Variants in TECPR2 observed in about 807,000 individuals in gnomAD.
The protein encoded by TECPR2 is tectonin beta-propeller repeat containing 2.
Under a neutral mutation model 138.1 loss-of-function variants are expected in TECPR2, and 65 were observed. That is an observed-to-expected ratio of 0.47 (90% CI 0.39 to 0.58). TECPR2 has a LOEUF of 0.58. TECPR2 is among the 20% of genes least tolerant of loss of function. The pLI, the probability that TECPR2 is intolerant of heterozygous loss-of-function variation, is 0.00. For synonymous variants in TECPR2, 746 were observed against 749.8 expected (o/e 0.99, Z 0.08); for missense variants, 1,553 against 1,824.5 (o/e 0.85, Z 2.71).
intron 17 of TECPR2, among the ~76,000 whole-genome samples, chr14:102,476,264 G>A (rs1237861840): frequency 1.3e-5 from 2 of 149,364 alleles, no homozygotes; most frequent in East Asian, 3.9e-4. Flanking sequence ...GGGTGTGGTG[G>A]CTCGTGCCTG....
chr14:102,484,941 G>A (rs981636199), intron 17 of TECPR2, among the ~76,000 whole-genome samples: 7 of 152,344 alleles, frequency 4.6e-5, no homozygotes, highest in African/African-American at 1.4e-4. Flanking sequence ...TTACAGGCGC[G>A]AGCCACTGCG....
chr14:102,463,415 T>A (rs1320384453), intron 16 of TECPR2, among the ~76,000 whole-genome samples: 5 of 51,780 alleles, frequency 9.7e-5, no homozygotes, highest in South Asian at 6.2e-4. Flanking sequence ...AGACTCCGTC[T>A]CAAAAAAAAA....
chr14:102,401,804 C>CAAA (rs34413626), intron 2 of TECPR2, among the ~76,000 whole-genome samples: 15,514 of 67,444 alleles, frequency 0.23, 2,521 homozygotes, highest in Non-Finnish European at 0.27. Context: ...GACTCCGTCT[C>CAAA]AAAAAAAAAA....
chr14:102,407,145 C>A (rs1319301382), intron 2 of TECPR2, among the ~76,000 whole-genome samples, 193 bp from the exon 3 acceptor site: 2 of 152,210 alleles, frequency 1.3e-5, no homozygotes, highest in Non-Finnish European at 2.9e-5. Context: ...CAGGCGTGAT[C>A]CACCACGCCC....
At position 102,431,840 on chromosome 14, in the gene TECPR2, G is replaced by A. The variant is rs527904656; in HGVS notation, c.1129G>A (p.Val377Met). Residue 377 changes from valine (V) to methionine (M), a missense_variant, in exon 8 of 20, where the codon GTG becomes ATG. Transcript: ENST00000359520. ...EMSGCSERVHVQQAEKLPGAT... is the reference protein window; with the variant it reads ...EMSGCSERVHMQQAEKLPGAT... ...GTCTGGATGCTCAGAGCGTGTCCAC[G>A]TGCAGCAAGCGGAGAAGCTGCCAGG... 2.2e-5 allele frequency: 35 copies of A among 1,596,770 alleles called. No homozygotes were observed. The highest frequency in any genetic ancestry group is 2.7e-5 in the Non-Finnish European group (32 of 1,166,398).
At chr14:102,463,727 C>T (rs1890476235) in intron 16 of TECPR2, among the ~76,000 whole-genome samples, 1 of 151,962 alleles carries the variant, frequency 6.6e-6, no homozygotes, top group African/African-American at 2.4e-5. Context: ...AGTTCGAGAC[C>T]AGCCTGGCCG....
At chr14:102,485,753 A>G (rs75144938) in intron 17 of TECPR2, among the ~76,000 whole-genome samples, 1,544 of 152,262 alleles carry the variant, frequency 0.01, 42 homozygotes, top group African/African-American at 0.036. Flanking sequence ...GATCATCTTT[A>G]GGGACCTCTC....
In TECPR2 at chr14:102,386,230, A is replaced by G. The variant is rs1204483923; in HGVS notation, c.219+9290A>G. ...ACGCCTATAATCCCAGCACTTTGGTAGGCCGAGGCAGGCAGATCATTTTGA... is the reference window on the plus strand; with the variant it reads ...ACGCCTATAATCCCAGCACTTTGGTGGGCCGAGGCAGGCAGATCATTTTGA... On this transcript the variant is annotated intron_variant, in intron 2 of 19. Coordinates refer to ENST00000359520, the MANE Select transcript of TECPR2 (RefSeq NM_014844.5). Among the ~76,000 whole-genome samples the G allele has an allele frequency of 2.6e-5, 4 of 152,240 alleles. No homozygotes were observed. The South Asian group carries it at 6.2e-4, about 24-fold the overall frequency.
intron 2 of TECPR2, among the ~76,000 whole-genome samples, chr14:102,406,349 CCATCCTGCCTAA>C (rs1477284217): frequency 6.7e-6 from 1 of 149,936 alleles, no homozygotes; most frequent in Non-Finnish European, 1.5e-5. Flanking sequence ...GAGATCGAGA[CCATCCTGCCTAA>C]CACGGTGAAA....
At chr14:102,421,133 CAA>C (rs1476299018) in intron 5 of TECPR2, among the ~76,000 whole-genome samples, 2 of 152,108 alleles carry the variant, frequency 1.3e-5, no homozygotes, top group African/African-American at 4.8e-5. Context: ...ATGGAAATGA[CAA>C]GAGATTTTTC....
At chr14:102,493,826 GA>G (rs1031750351) in intron 17 of TECPR2, among the ~76,000 whole-genome samples, 4 of 152,204 alleles carry the variant, frequency 2.6e-5, no homozygotes, top group African/African-American at 9.6e-5. Flanking sequence ...CGGTGCATCT[GA>G]GGTTCTGCGT....
At position 102,387,163 on chromosome 14, in the gene TECPR2, A is replaced by G. The variant is rs1425360490; in HGVS notation, c.219+10223A>G. 3.9e-5 allele frequency among the ~76,000 whole-genome samples: 6 copies of G among 152,224 alleles called. No homozygotes were observed. In the East Asian group the frequency reaches 9.6e-4, roughly 24 times the overall value. On this transcript the variant is annotated intron_variant, in intron 2 of 19. Coordinates refer to ENST00000359520, the MANE Select transcript of TECPR2 (RefSeq NM_014844.5). Reference sequence around the variant, plus strand: ...CATGATTGAAAGATTATGTTTTTAAATGAAGTTATGTTTCCTAAAGAGGAA... The same window carrying G: ...CATGATTGAAAGATTATGTTTTTAAGTGAAGTTATGTTTCCTAAAGAGGAA...
intron 2 of TECPR2, among the ~76,000 whole-genome samples, chr14:102,379,834 C>T (rs1040609456): frequency 1.4e-5 from 2 of 148,108 alleles, no homozygotes; most frequent in Admixed American, 1.3e-4. Context: ...CAGAGGCGTC[C>T]TAGTCACACT....
intron 17 of TECPR2, among the ~76,000 whole-genome samples, chr14:102,487,005 G>A (rs929653902): frequency 5.9e-5 from 9 of 152,096 alleles, no homozygotes; most frequent in Non-Finnish European, 1.2e-4. Flanking sequence ...ACGCCTCAGC[G>A]CCCCCTGAGG....
At chr14:102,427,684 C>G (rs967710726) in intron 6 of TECPR2, among the ~76,000 whole-genome samples, 11 of 152,146 alleles carry the variant, frequency 7.2e-5, no homozygotes, top group Non-Finnish European at 1.5e-4. Flanking sequence ...AGTTGCAGTG[C>G]GCACTGGCCT....
intron 4 of TECPR2, among the ~76,000 whole-genome samples, chr14:102,411,259 A>G (rs1372630746): frequency 3.3e-5 from 5 of 152,260 alleles, no homozygotes; most frequent in African/African-American, 1.2e-4. Flanking sequence ...ATTTTGTTTT[A>G]TTTTTCTTAT....
intron 2 of TECPR2, among the ~76,000 whole-genome samples, chr14:102,379,111 C>T (rs995517637): frequency 2.0e-5 from 3 of 152,130 alleles, no homozygotes; most frequent in Non-Finnish European, 4.4e-5. Flanking sequence ...AAGGAAGACT[C>T]GTGAATCCAA....
chr14:102,437,059 G>A (rs552140749), intron 9 of TECPR2: 19 of 985,308 alleles, frequency 1.9e-5, no homozygotes, highest in Middle Eastern at 5.2e-4. Context: ...ATTTTATGGT[G>A]TGTTTTTATT....
At chr14:102,445,772 G>A in intron 12 of TECPR2, 34 bp from the exon 13 acceptor site, 2 of 1,607,678 alleles carry the variant, frequency 1.2e-6, no homozygotes, top group Non-Finnish European at 1.7e-6. Flanking sequence ...CTGCCTATGG[G>A]TGCTGACCCC....
Sources: gnomAD v4.1 joint callset for allele counts (sites outside exome capture counted in the v4.1 genomes callset) on GRCh38, gnomAD v4.1.1 for gene constraint, MANE v1.5 for transcripts, NCBI Gene and HGNC (gene_info 2026-07-23, HGNC 2026-07-21) for gene names.